The following SLC20A2 variants were observed in gnomAD, a reference collection of about 807,000 sequenced individuals.
SLC20A2 encodes sodium-dependent phosphate transporter 2.
Under a neutral mutation model 61.0 loss-of-function variants are expected in SLC20A2, and 30 were observed. The observed-to-expected ratio is 0.49, with a 90% CI of 0.37 to 0.67. The LOEUF (loss-of-function observed/expected upper bound fraction) is 0.67, where lower values mean the gene tolerates loss of function less well. Ranked by LOEUF, SLC20A2 falls within the 30% of genes least tolerant of loss-of-function variation. The pLI, the probability that SLC20A2 is intolerant of heterozygous loss-of-function variation, is 0.00. For synonymous variants in SLC20A2, 351 were observed against 353.3 expected, an observed-to-expected ratio of 0.99 and a Z score of 0.07; for missense variants, 626 against 866.4, an observed-to-expected ratio of 0.72 and a Z score of 3.48.
At chr8:42,461,888 C>T (rs1806730145) in intron 4 of SLC20A2, among the ~76,000 whole-genome samples, 1 of 152,140 alleles carries the variant, frequency 6.6e-6, no homozygotes, top group Admixed American at 6.6e-5. Context: ...CTTGTAAGTG[C>T]TAAGCACAGT....
At chr8:42,523,517 G>A (rs958085968) in intron 1 of SLC20A2, among the ~76,000 whole-genome samples, 3 of 152,122 alleles carry the variant, frequency 2.0e-5, no homozygotes, top group Non-Finnish European at 4.4e-5. Flanking sequence ...TAAAGATCAA[G>A]TGAAACCCCA....
intron 1 of SLC20A2, chr8:42,541,468 C>T (rs1214282985): frequency 4.2e-5 from 6 of 143,962 alleles, no homozygotes; most frequent in African/African-American, 1.5e-4. Flanking sequence ...GGGGGCGGCA[C>T]TGGGGCCGCC....
At chr8:42,463,839 G>A (rs1806899360) in intron 3 of SLC20A2, among the ~76,000 whole-genome samples, 1 of 152,048 alleles carries the variant, frequency 6.6e-6, no homozygotes, top group African/African-American at 2.4e-5. Flanking sequence ...GACTCCTAAG[G>A]TCATCATGAT....
intron 8 of SLC20A2, among the ~76,000 whole-genome samples, chr8:42,434,810 AC>A (rs1447519229): frequency 6.6e-6 from 1 of 152,052 alleles, no homozygotes; most frequent in African/African-American, 2.4e-5. Flanking sequence ...TTCTACAGTC[AC>A]CCCGAGCAGC....
At chr8:42,443,163 T>C (rs1340333755) in intron 6 of SLC20A2, among the ~76,000 whole-genome samples, 1 of 147,506 alleles carries the variant, frequency 6.8e-6, no homozygotes, top group Admixed American at 6.8e-5. Context: ...TACAGTAGAG[T>C]ACTATATTGT....
intron 1 of SLC20A2, among the ~76,000 whole-genome samples, chr8:42,525,943 A>C (rs1811905437): frequency 6.6e-6 from 1 of 152,206 alleles, no homozygotes; most frequent in African/African-American, 2.4e-5. Context: ...ATACAGATAT[A>C]AATGTTGAAT....
At chr8:42,540,081 C>T (rs528972552) in intron 1 of SLC20A2, among the ~76,000 whole-genome samples, 8 of 152,286 alleles carry the variant, frequency 5.3e-5, no homozygotes, top group African/African-American at 1.9e-4. Flanking sequence ...CACCTGAGGT[C>T]TGGAGTTCGA....
intron 8 of SLC20A2, 45 bp from the exon 9 acceptor site, chr8:42,430,294 G>T: frequency 6.6e-7 from 1 of 1,514,638 alleles, no homozygotes; most frequent in Non-Finnish European, 9.0e-7. Flanking sequence ...TATGCAAGCG[G>T]CAATGTACAT....
chr8:42,539,665 G>A (rs1812936401), intron 1 of SLC20A2, among the ~76,000 whole-genome samples: 1 of 152,098 alleles, frequency 6.6e-6, no homozygotes, highest in Non-Finnish European at 1.5e-5. Flanking sequence ...GTTTCATTAT[G>A]TTTGTTTACC....
chr8:42,505,871 A>G (rs569446687), upstream of SLC20A2, among the ~76,000 whole-genome samples: 1 of 152,122 alleles, frequency 6.6e-6, no homozygotes, highest in East Asian at 1.9e-4. Flanking sequence ...CCTGGATGAC[A>G]GAGTGAGACT....
At chr8:42,457,548 T>C (rs1325270027) in intron 5 of SLC20A2, among the ~76,000 whole-genome samples, 1 of 152,038 alleles carries the variant, frequency 6.6e-6, no homozygotes, top group Non-Finnish European at 1.5e-5. Context: ...TGGCGCAAGC[T>C]TGGCTCACTG....
intron 8 of SLC20A2, among the ~76,000 whole-genome samples, chr8:42,430,825 T>C (rs186377318): frequency 3.9e-5 from 6 of 152,308 alleles, no homozygotes; most frequent in Non-Finnish European, 8.8e-5. Flanking sequence ...ATATCTGTTA[T>C]GGTGATCTGT....
At chr8:42,459,740 C>G (rs1017541150) in intron 5 of SLC20A2, among the ~76,000 whole-genome samples, 156 bp downstream of exon 5, 1 of 152,068 alleles carries the variant, frequency 6.6e-6, no homozygotes, top group Admixed American at 6.6e-5. Context: ...CCATGAGTAA[C>G]GCATTTTACT....
rs1474204224 is a variant in SLC20A2 at position 42,472,823 on chromosome 8, AC to A, written c.-264-170del. On this transcript the variant is annotated intron_variant, in intron 1 of 10. Transcript: ENST00000520262. This position sits in a 1 kb window ranked among gnomAD's most constrained non-coding sequence, Gnocchi z 4.1. ...ATTATAATTAGGATAACCACCCCCA[AC>A]CAAAAACACAAAAAAACCTGCTTTC... is the stretch of plus-strand genomic sequence containing the variant. Among the ~76,000 whole-genome samples the A allele has an allele frequency of 6.6e-6, 1 of 152,166 alleles. No individual in the cohort carries two copies. Among genetic ancestry groups the A allele is most frequent in the Admixed American group, 6.5e-5 (1 of 15,280 alleles).
rs1187147221 is a variant in SLC20A2 at position 42,443,264 on chromosome 8, G to GTTATAT, written c.730+1381_730+1382insATATAA. Among the ~76,000 whole-genome samples the GTTATAT allele has an allele frequency of 4.2e-4, 44 of 105,474 alleles. 1 individual carries two copies. The highest frequency in any genetic ancestry group is 5.6e-4 in the Non-Finnish European group (29 of 52,158). 69.2% of individuals were successfully genotyped at this position (105,474 alleles called of 152,430 possible). A position where few individuals can be genotyped will look rare whatever the true frequency, so the allele number is the denominator to read the frequency against. On this transcript the variant is annotated intron_variant, in intron 6 of 10. Coordinates refer to ENST00000520262, the MANE Select transcript of SLC20A2 (RefSeq NM_001257180.2). ...TATAATAATACAATTATTATTATAGGATATATATATATATATATATATATA... is the reference window on the plus strand; with the variant it reads ...TATAATAATACAATTATTATTATAGGTTATATATATATATATATATATATATATATA...
Position 42,417,939 on chromosome 8 carries a change from A to G in SLC20A2, c.1823T>C (p.Ile608Thr). 1 of 1,613,218 alleles carries G rather than the reference A, an allele frequency of 6.2e-7. No individual in the cohort carries two copies. The highest frequency in any genetic ancestry group is 8.5e-7 in the Non-Finnish European group (1 of 1,179,716). ...CCAGTCCACAGCCTTGCGGGAGCGG[A>G]TCCAGCCCACGGCCACCACCGAGCC... ...KVGSVVAVGW[I>T]RSRKAVDWRL... is the part of the protein sequence containing the mutation. The change falls in exon 11 of 11, where the codon ATC becomes ACC. Residue 608 changes from isoleucine to threonine, a missense_variant. By Grantham distance (89) the Ile-to-Thr change is moderately conservative. This residue lies in a region of SLC20A2 where 138 missense variants were observed against 228.7 expected (regional missense o/e 0.60). Coordinates refer to ENST00000520262, the MANE Select transcript of SLC20A2 (RefSeq NM_001257180.2).
upstream of SLC20A2, among the ~76,000 whole-genome samples, chr8:42,505,012 G>A (rs1810574694): frequency 6.6e-6 from 1 of 151,806 alleles, no homozygotes; most frequent in African/African-American, 2.4e-5. Flanking sequence ...ACAATACTTG[G>A]GTAAGTATGA....
chr8:42,529,811 C>T (rs1275653631), intron 1 of SLC20A2, among the ~76,000 whole-genome samples: 1 of 152,146 alleles, frequency 6.6e-6, no homozygotes, highest in East Asian at 1.9e-4. Context: ...ACCAAGTCTC[C>T]CTGTCTATGG....
intron 1 of SLC20A2, among the ~76,000 whole-genome samples, chr8:42,492,971 A>G (rs4736832): frequency 0.42 from 64,007 of 152,056 alleles, 13,594 homozygotes; most frequent in East Asian, 0.45. Flanking sequence ...GTGAGCCACC[A>G]CGCCCAGCCT....
Sources: gnomAD v4.1 joint callset for allele counts (sites outside exome capture counted in the v4.1 genomes callset) on GRCh38, gnomAD v4.1.1 for gene constraint, gnomAD v4.1.1 regional missense constraint, Gnocchi (gnomAD v3.1) non-coding constraint, MANE v1.5 for transcripts, NCBI Gene and HGNC (gene_info 2026-07-23, HGNC 2026-07-21) for gene names.